The following MYO3B variants were observed in gnomAD, a reference collection of about 807,000 sequenced individuals.
MYO3B encodes the protein myosin IIIB.
Under a neutral mutation model 174.6 loss-of-function variants are expected in MYO3B, and 156 were observed. The observed-to-expected ratio is 0.89, with a 90% CI of 0.78 to 1.02. MYO3B has a LOEUF of 1.02. Ranked by LOEUF, MYO3B falls within the 50% of genes least tolerant of loss-of-function variation. MYO3B has a pLI of 0.00. For missense variants in MYO3B, 1,632 were observed against 1,639.4 expected (o/e 1.00, Z 0.08); for synonymous variants, 563 against 569.1 (o/e 0.99, Z 0.15).
intron 6 of MYO3B, among the ~76,000 whole-genome samples, chr2:170,232,527 A>G (rs1459944296): frequency 6.6e-6 from 1 of 152,230 alleles, no homozygotes; most frequent in Non-Finnish European, 1.5e-5. Flanking sequence ...AATTTTAACA[A>G]TTTTAACCAA....
At chr2:170,191,474 C>A (rs28637086) in intron 1 of MYO3B, among the ~76,000 whole-genome samples, 8,257 of 152,074 alleles carry the variant, frequency 0.054, 549 homozygotes, top group East Asian at 0.3. Flanking sequence ...ATTTAGTTCA[C>A]GGTGGTGAGG....
chr2:170,455,855 T>G (rs1241630908), intron 23 of MYO3B, among the ~76,000 whole-genome samples: 1 of 152,176 alleles, frequency 6.6e-6, no homozygotes, highest in East Asian at 1.9e-4. Flanking sequence ...TGACTTACAT[T>G]GTTTTGTAAG....
chr2:170,441,764 C>T (rs374151384), intron 22 of MYO3B, among the ~76,000 whole-genome samples: 3 of 152,172 alleles, frequency 2.0e-5, no homozygotes, highest in Non-Finnish European at 4.4e-5. Flanking sequence ...CATGCTAATG[C>T]ATTATAATTA....
chr2:170,399,262 AAAAAGAGAG>A lies in MYO3B; in HGVS notation c.1792-924_1792-916del, dbSNP rs1317476505. Reference sequence around the variant, plus strand: ...CGTCTCAAAAAAAAAAAAAAAAAAAAAAAAGAGAGAGACCAGTCTGGCCAACAGGGCAAA... The same window carrying A: ...CGTCTCAAAAAAAAAAAAAAAAAAAAAGACCAGTCTGGCCAACAGGGCAAA... On this transcript the variant is annotated intron_variant, in intron 16 of 34. Coordinates refer to ENST00000408978, the MANE Select transcript of MYO3B (RefSeq NM_138995.5). Among the ~76,000 whole-genome samples the A allele has an allele frequency of 5.9e-4, 73 of 123,478 alleles. 8 individuals are homozygous for A. Among genetic ancestry groups the A allele is most frequent in the African/African-American group, 1.6e-3 (51 of 32,516 alleles). 81.0% of individuals were successfully genotyped at this position (123,478 alleles called of 152,430 possible).
At position 170,575,003 on chromosome 2, in the gene MYO3B, G is replaced by A. The variant is rs575030382; in HGVS notation, c.3733+31015G>A. Among the ~76,000 whole-genome samples, 10 of 152,144 alleles carry A rather than the reference G, an allele frequency of 6.6e-5. No individual in the cohort carries two copies. The South Asian group carries it at 2.1e-3, about 32-fold the overall frequency. ...GGAGATGAGCACTCTCATTCACTGG[G>A]AATAAGCGTGTGTAAACTGGTTTTG... On this transcript the variant is annotated intron_variant, in intron 32 of 34. Transcript: ENST00000408978.
intron 12 of MYO3B, 56 bp downstream of exon 12, chr2:170,383,870 TCCTCGTC>T: frequency 1.4e-6 from 2 of 1,398,228 alleles, no homozygotes; most frequent in Non-Finnish European, 2.0e-6. Context: ...TGTTGTGTCT[TCCTCGTC>T]AACTCCTAAG....
At chr2:170,365,904 T>C (rs925307457) in intron 8 of MYO3B, among the ~76,000 whole-genome samples, 2 of 152,144 alleles carry the variant, frequency 1.3e-5, no homozygotes, top group Non-Finnish European at 2.9e-5. Flanking sequence ...AACCCAGAGA[T>C]AAATTCCTTG....
At chr2:170,500,514 T>C (rs1169512660) in intron 27 of MYO3B, among the ~76,000 whole-genome samples, 1 of 152,210 alleles carries the variant, frequency 6.6e-6, no homozygotes, top group Non-Finnish European at 1.5e-5. Context: ...AGCCCTTCCC[T>C]GCATTTGCTG....
At chr2:170,482,334 T>C (rs1685749391) in intron 25 of MYO3B, among the ~76,000 whole-genome samples, 1 of 152,172 alleles carries the variant, frequency 6.6e-6, no homozygotes, top group Non-Finnish European at 1.5e-5. Flanking sequence ...TTTGTGTTTT[T>C]AGTAGAGACG....
intron 7 of MYO3B, among the ~76,000 whole-genome samples, chr2:170,318,997 A>T (rs1021497554): frequency 2.0e-5 from 3 of 152,214 alleles, no homozygotes; most frequent in African/African-American, 7.2e-5. Context: ...ATGTGGGGCT[A>T]ATCTTTCTTA....
chr2:170,572,359 C>T (rs533042546), intron 32 of MYO3B, among the ~76,000 whole-genome samples: 9 of 151,178 alleles, frequency 6.0e-5, no homozygotes, highest in Non-Finnish European at 1.2e-4. Flanking sequence ...ACCTGGGAGG[C>T]GGAGGTTGCA....
intron 32 of MYO3B, among the ~76,000 whole-genome samples, chr2:170,554,284 G>T (rs187703348): frequency 3.3e-5 from 5 of 152,300 alleles, no homozygotes; most frequent in Admixed American, 2.6e-4. Context: ...GAACTCTGTG[G>T]ATACCTACCA....
rs1041228212 is a variant in MYO3B, at chr2:170,183,890, T to C, written c.2+5601T>C. ...TTGAATTTTTTAATGTTCTAAAAAT[T>C]AGATATTAAAACTTACCAGATTCAT... On this transcript the variant is annotated intron_variant, in intron 1 of 34. Coordinates refer to ENST00000408978, the MANE Select transcript of MYO3B (RefSeq NM_138995.5). Among the ~76,000 whole-genome samples the C allele has an allele frequency of 2.6e-5, 4 of 151,798 alleles. 1 individual carries two copies. In the East Asian group the frequency reaches 7.7e-4, roughly 29 times the overall value.
chr2:170,213,253 G>T (rs1000768723), intron 3 of MYO3B, among the ~76,000 whole-genome samples: 1 of 152,162 alleles, frequency 6.6e-6, no homozygotes, highest in Non-Finnish European at 1.5e-5. Context: ...GGAGCATCGG[G>T]CAAGACTCCT....
At chr2:170,577,607 A>AT (rs1487767224) in intron 32 of MYO3B, among the ~76,000 whole-genome samples, 1 of 152,238 alleles carries the variant, frequency 6.6e-6, no homozygotes. Context: ...GATTACAAGA[A>AT]TATGAATTCC....
At position 170,187,789 on chromosome 2, in the gene MYO3B, A is replaced by G. The variant is rs144622897; in HGVS notation, c.2+9500A>G. Among the ~76,000 whole-genome samples, 180 of 152,178 alleles carry G rather than the reference A, an allele frequency of 1.2e-3. No homozygotes were observed. The East Asian group carries it at 0.028, about 23-fold the overall frequency. On this transcript the variant is annotated intron_variant, in intron 1 of 34. Coordinates refer to ENST00000408978, the MANE Select transcript of MYO3B (RefSeq NM_138995.5). Reference sequence around the variant, plus strand: ...TGTTTGTACAGTTTCCAAAATTCCTATTGTTACTGATTTCTAGTTTTAATC... The same window carrying G: ...TGTTTGTACAGTTTCCAAAATTCCTGTTGTTACTGATTTCTAGTTTTAATC...
intron 7 of MYO3B, among the ~76,000 whole-genome samples, chr2:170,250,897 T>C (rs2093245320): frequency 6.6e-6 from 1 of 151,926 alleles, no homozygotes; most frequent in African/African-American, 2.4e-5. Context: ...CCTTATCTTC[T>C]CATGCCGTTC....
intron 9 of MYO3B, among the ~76,000 whole-genome samples, chr2:170,381,677 G>A (rs558293190): frequency 6.6e-6 from 1 of 152,346 alleles, no homozygotes; most frequent in African/African-American, 2.4e-5. Flanking sequence ...CTATACCCCA[G>A]TGAGAACTAT....
intron 32 of MYO3B, among the ~76,000 whole-genome samples, chr2:170,618,385 G>A (rs1175216484): frequency 6.6e-6 from 1 of 152,166 alleles, no homozygotes; most frequent in African/African-American, 2.4e-5. Context: ...CTGGATCGCT[G>A]GAGACAAGTT....
Sources: gnomAD v4.1 joint callset for allele counts (sites outside exome capture counted in the v4.1 genomes callset) on GRCh38, gnomAD v4.1.1 for gene constraint, MANE v1.5 for transcripts, NCBI Gene and HGNC (gene_info 2026-07-23, HGNC 2026-07-21) for gene names.